Variants in KAT6B observed in about 807,000 individuals in gnomAD.
KAT6B encodes histone acetyltransferase KAT6B.
A neutral mutation model predicts 187.5 loss-of-function variants in KAT6B; 10 were observed. The observed-to-expected ratio is 0.05, with a 90% CI of 0.03 to 0.09. The LOEUF is 0.09. Among genes scored for constraint, KAT6B ranks in the 10% least tolerant of loss-of-function variants. KAT6B has a pLI of 1.00. For missense variants in KAT6B, 1,952 were observed against 2,558.9 expected (o/e 0.76, Z 5.12); for synonymous variants, 861 against 926.8 (o/e 0.93, Z 1.29).
intron 1 of KAT6B, among the ~76,000 whole-genome samples, chr10:74,833,901 C>A (rs926296318): frequency 6.6e-6 from 1 of 152,200 alleles, no homozygotes. Context: ...GTTCAACCAG[C>A]GTTTTATTGA....
chr10:74,913,337 G>A (rs891444889), intron 3 of KAT6B, among the ~76,000 whole-genome samples: 3 of 152,114 alleles, frequency 2.0e-5, no homozygotes, highest in Non-Finnish European at 4.4e-5. Flanking sequence ...ATACATACCT[G>A]TGATAAAGTT....
intron 3 of KAT6B, among the ~76,000 whole-genome samples, chr10:74,951,920 A>G (rs182962683): frequency 6.6e-5 from 10 of 152,354 alleles, no homozygotes; most frequent in Admixed American, 3.3e-4. Flanking sequence ...CATTTATTCA[A>G]TAGATACACT....
At chr10:75,023,819 A>C (rs186850395) in intron 16 of KAT6B, 51 of 152,324 alleles carry the variant, frequency 3.3e-4, no homozygotes, top group African/African-American at 1.2e-3. Flanking sequence ...CAGCCTGGGC[A>C]ACAAAGCAAG....
chr10:74,874,268 A>G (rs1428338754), intron 3 of KAT6B, among the ~76,000 whole-genome samples: 1 of 152,200 alleles, frequency 6.6e-6, no homozygotes, highest in Non-Finnish European at 1.5e-5. Context: ...AGCAAAAGAC[A>G]AATTCACTTG....
intron 13 of KAT6B, among the ~76,000 whole-genome samples, chr10:75,012,366 G>C (rs918942392): frequency 1.3e-5 from 2 of 152,170 alleles, no homozygotes; most frequent in African/African-American, 4.8e-5. Context: ...AGGATTTCTT[G>C]AGCCCAGAAA....
chr10:75,020,872 C>G, intron 14 of KAT6B, 59 bp downstream of exon 14: 1 of 1,391,696 alleles, frequency 7.2e-7, no homozygotes, highest in Non-Finnish European at 1.0e-6. Context: ...AGAAAGGGTC[C>G]CTGGAGATAG....
chr10:75,025,416 T>G (rs1474559347), intron 17 of KAT6B, 167 bp downstream of exon 17: 1 of 648,294 alleles, frequency 1.5e-6, no homozygotes, highest in East Asian at 2.8e-5. Context: ...CTTCTCTCCC[T>G]TCTTCCTGGA....
intron 3 of KAT6B, among the ~76,000 whole-genome samples, chr10:74,948,762 A>G (rs981841485): frequency 3.9e-5 from 6 of 152,178 alleles, no homozygotes; most frequent in Non-Finnish European, 5.9e-5. Flanking sequence ...CCTTTAATCT[A>G]TGCATTACTA....
rs138947626 is a variant in KAT6B, at chr10:74,875,113, T to C, written c.621+31635T>C. On this transcript the variant is annotated intron_variant, in intron 3 of 17. Coordinates refer to ENST00000287239, the MANE Select transcript of KAT6B (RefSeq NM_012330.4). ...TGTGAGATACATGTTTAAAAATATT[T>C]TGTATTAGATAAATTGGGGATAATA... Among the ~76,000 whole-genome samples, 1,078 of 152,314 alleles carry C rather than the reference T, an allele frequency of 7.1e-3. 7 individuals are homozygous for C. The highest frequency in any genetic ancestry group is 0.012 in the Non-Finnish European group (799 of 68,028).
In KAT6B at chr10:74,871,584, C is replaced by A. The variant is rs145212017; in HGVS notation, c.621+28106C>A. On this transcript the variant is annotated intron_variant, in intron 3 of 17. Transcript: ENST00000287239. ...TGGTGGCTAATGCCTATAATCCCAGCACTTAGGGAGGCTAAGACAGGAGGA... is the reference window on the plus strand; with the variant it reads ...TGGTGGCTAATGCCTATAATCCCAGAACTTAGGGAGGCTAAGACAGGAGGA... 2.2e-3 allele frequency among the ~76,000 whole-genome samples: 342 copies of A among 152,278 alleles called. 1 individual carries two copies. Among genetic ancestry groups the A allele is most frequent in the African/African-American group, 7.8e-3 (326 of 41,546 alleles).
At chr10:74,947,766 C>T (rs189983700) in intron 3 of KAT6B, among the ~76,000 whole-genome samples, 24 of 152,334 alleles carry the variant, frequency 1.6e-4, no homozygotes, top group African/African-American at 5.3e-4. Context: ...TTAAAATCTT[C>T]ACCCTCAGGG....
At chr10:75,014,533 C>A (rs1175258304) in intron 13 of KAT6B, among the ~76,000 whole-genome samples, 1 of 152,092 alleles carries the variant, frequency 6.6e-6, no homozygotes, top group South Asian at 2.1e-4. Flanking sequence ...AAATATTTGT[C>A]AAATTTCTCA....
At chr10:74,875,049 TAC>T (rs1427780918) in intron 3 of KAT6B, among the ~76,000 whole-genome samples, 1 of 152,208 alleles carries the variant, frequency 6.6e-6, no homozygotes, top group Non-Finnish European at 1.5e-5. Flanking sequence ...GCCCATAGTT[TAC>T]ATTAGGGTTT....
At chr10:75,020,468 C>A (rs1487484036) in intron 13 of KAT6B, 114 bp from the exon 14 acceptor site, 1 of 764,628 alleles carries the variant, frequency 1.3e-6, no homozygotes, top group Non-Finnish European at 2.3e-6. Context: ...AGCGAATGCA[C>A]TTCTCTGTTG....
At chr10:74,865,748 T>C (rs1428827201) in intron 3 of KAT6B, among the ~76,000 whole-genome samples, 2 of 152,194 alleles carry the variant, frequency 1.3e-5, no homozygotes, top group Non-Finnish European at 2.9e-5. Context: ...ACTGCTGACC[T>C]TAAGTGATCC....
intron 13 of KAT6B, among the ~76,000 whole-genome samples, chr10:75,010,304 C>T (rs1177134786): frequency 2.6e-5 from 4 of 152,234 alleles, no homozygotes; most frequent in Non-Finnish European, 1.5e-5. Context: ...GTTTCTCTTA[C>T]ATTTCCAACA....
chr10:74,964,664 A>G (rs569524692), intron 4 of KAT6B, among the ~76,000 whole-genome samples: 5 of 152,284 alleles, frequency 3.3e-5, no homozygotes, highest in Admixed American at 2.6e-4. Context: ...CAGCTCATCA[A>G]CCTTGCACTG....
chr10:74,975,641 T>C lies in KAT6B; in HGVS notation c.1304T>C (p.Ile435Thr). 6.2e-7 allele frequency: 1 copy of C among 1,614,172 alleles called. No individual in the cohort carries two copies. The highest frequency in any genetic ancestry group is 8.5e-7 in the Non-Finnish European group (1 of 1,180,038). ...LKVNKKTKGL[I>T]DGLTKFFTPS... ...GTTAACAAGAAAACCAAAGGGCTCA[T>C]TGATGGCCTTACTAAGTTTTTTACA... is the stretch of plus-strand genomic sequence containing the variant. Residue 435 changes from isoleucine (I) to threonine (T), a missense_variant, in exon 8 of 18, where the codon ATT becomes ACT. Ile to Thr is a moderately conservative substitution (Grantham distance 89, BLOSUM62 -1). Coordinates refer to ENST00000287239, the MANE Select transcript of KAT6B (RefSeq NM_012330.4).
At chr10:74,825,412 C>A (rs1349394193), upstream of KAT6B, among the ~76,000 whole-genome samples, 1 of 150,172 alleles carries the variant, frequency 6.7e-6, no homozygotes, top group Non-Finnish European at 1.5e-5. The surrounding 1 kb of genome is among the most constrained non-coding windows in gnomAD (Gnocchi z 5.0). Context: ...GCGCCCCCGG[C>A]CAGGCCGGGC....
Sources: allele counts gnomAD v4.1 joint callset (sites outside exome capture counted in the v4.1 genomes callset), GRCh38; gene constraint gnomAD v4.1.1; non-coding constraint Gnocchi (gnomAD v3.1); transcripts MANE v1.5; gene names NCBI Gene and HGNC (gene_info 2026-07-23, HGNC 2026-07-21).